The following ACVR1 variants were observed in gnomAD, a reference collection of about 807,000 sequenced individuals.
ACVR1 encodes activin receptor type-1.
A neutral mutation model predicts 57.1 loss-of-function variants in ACVR1; 38 were observed. That is an observed-to-expected ratio of 0.67 (90% CI 0.51 to 0.87). The LOEUF is 0.87. ACVR1 is among the 40% of genes least tolerant of loss of function. The pLI, the probability that ACVR1 is intolerant of heterozygous loss-of-function variation, is 0.00. For synonymous variants in ACVR1, 212 were observed against 228.1 expected (o/e 0.93, Z 0.63); for missense variants, 463 against 638.2 (o/e 0.73, Z 2.96).
chr2:157,872,142 T>C (rs1690132654), intron 1 of ACVR1, among the ~76,000 whole-genome samples: 1 of 152,198 alleles, frequency 6.6e-6, no homozygotes, highest in East Asian at 1.9e-4. Context: ...AGGTATTTTG[T>C]ACCAGGAAAC....
intron 1 of ACVR1, among the ~76,000 whole-genome samples, chr2:157,861,374 CTGT>C (rs1263661055): frequency 6.6e-6 from 1 of 152,154 alleles, no homozygotes; most frequent in Non-Finnish European, 1.5e-5. Context: ...GAAAATAAGG[CTGT>C]TATGCAACAT....
At chr2:157,787,964 T>C (rs1686774107) in intron 3 of ACVR1, among the ~76,000 whole-genome samples, 1 of 152,182 alleles carries the variant, frequency 6.6e-6, no homozygotes, top group Non-Finnish European at 1.5e-5. Context: ...GTGGTTACCA[T>C]CAGCGAGCCT....
chr2:157,767,126 GGTTCAA>G (rs1287781091), intron 7 of ACVR1, among the ~76,000 whole-genome samples: 1 of 152,016 alleles, frequency 6.6e-6, no homozygotes, highest in African/African-American at 2.4e-5. Flanking sequence ...CCGCCTCCTG[GGTTCAA>G]GTGATTCTCC....
At chr2:157,871,222 T>C (rs1179113347) in intron 1 of ACVR1, among the ~76,000 whole-genome samples, 1 of 152,066 alleles carries the variant, frequency 6.6e-6, no homozygotes, top group African/African-American at 2.4e-5. Context: ...CATCCCAGAA[T>C]AAGAAATGGG....
intron 3 of ACVR1, among the ~76,000 whole-genome samples, chr2:157,799,140 C>T (rs1451679846): frequency 1.3e-5 from 2 of 152,062 alleles, no homozygotes; most frequent in Non-Finnish European, 2.9e-5. Context: ...AGGTGATCCA[C>T]CTGCCTCGAC....
At chr2:157,788,484 C>T (rs1412005850) in intron 3 of ACVR1, among the ~76,000 whole-genome samples, 1 of 152,198 alleles carries the variant, frequency 6.6e-6, no homozygotes, top group East Asian at 1.9e-4. Flanking sequence ...ACCAGATCCA[C>T]TGCCATGGTA....
In ACVR1 at chr2:157,780,408, G is replaced by A. The variant is rs1036913529; in HGVS notation, c.260C>T (p.Pro87Leu). 3.1e-6 allele frequency: 5 copies of A among 1,613,764 alleles called. No homozygotes were observed. The African/African-American group carries it at 6.7e-5, about 22-fold the overall frequency. Reference sequence around the variant, plus strand: ...TTGGCAGCACTCCACGGCTTGGCCAGGGGACGGCGGGGTCTTACAGGTCAT... The same window carrying A: ...TTGGCAGCACTCCACGGCTTGGCCAAGGGACGGCGGGGTCTTACAGGTCAT... ...GKMTCKTPPSPGQAVECCQGD... is the reference protein window; with the variant it reads ...GKMTCKTPPSLGQAVECCQGD... The change falls in exon 4 of 11, where the codon CCT (proline) becomes CTT (leucine). Residue 87 changes from proline to leucine, a missense_variant. Physicochemically the swap from Pro to Leu is moderately conservative, Grantham distance 98. This residue lies in a region of ACVR1 where 203 missense variants were observed against 235.5 expected (regional missense o/e 0.86). Coordinates refer to ENST00000434821, the MANE Select transcript of ACVR1 (RefSeq NM_001111067.4).
intron 3 of ACVR1, among the ~76,000 whole-genome samples, chr2:157,795,902 G>A (rs1437861747): frequency 6.6e-6 from 1 of 151,508 alleles, no homozygotes; most frequent in Non-Finnish European, 1.5e-5. Context: ...TACATCACAG[G>A]TCCACCCATG....
At chr2:157,838,157 G>A (rs1391353646) in intron 1 of ACVR1, 1 of 152,122 alleles carries the variant, frequency 6.6e-6, no homozygotes. Flanking sequence ...TCATGTAAAA[G>A]CGAAACAGAT....
chr2:157,861,197 A>G (rs1689706979), intron 1 of ACVR1, among the ~76,000 whole-genome samples: 2 of 152,246 alleles, frequency 1.3e-5, no homozygotes, highest in Admixed American at 6.5e-5. Context: ...ACTTTACTGT[A>G]CATTGGCTAT....
At chr2:157,847,207 A>G (rs1287368082) in intron 1 of ACVR1, among the ~76,000 whole-genome samples, 1 of 152,218 alleles carries the variant, frequency 6.6e-6, no homozygotes, top group Non-Finnish European at 1.5e-5. Context: ...TAACGAAACA[A>G]TTATTACCCT....
chr2:157,740,881 G>T (rs1181557758), intron 9 of ACVR1, among the ~76,000 whole-genome samples: 1 of 152,214 alleles, frequency 6.6e-6, no homozygotes, highest in Non-Finnish European at 1.5e-5. Context: ...CTGGGATTTA[G>T]TCAAGCCTCT....
At chr2:157,777,339 G>A (rs1559050755) in intron 5 of ACVR1, among the ~76,000 whole-genome samples, 1 of 152,174 alleles carries the variant, frequency 6.6e-6, no homozygotes, top group East Asian at 1.9e-4. Flanking sequence ...GTAAACTGTG[G>A]CTGGTGTGAA....
intron 6 of ACVR1, 105 bp downstream of exon 6, chr2:157,773,983 G>A (rs1175817870): frequency 1.1e-6 from 1 of 931,804 alleles, no homozygotes; most frequent in Non-Finnish European, 1.7e-6. Context: ...GTTTAATAAG[G>A]AAACAACAGG....
chr2:157,763,571 G>C (rs998220699), intron 8 of ACVR1, among the ~76,000 whole-genome samples: 2 of 152,032 alleles, frequency 1.3e-5, no homozygotes, highest in Admixed American at 1.3e-4. Context: ...ACAAAAAAAA[G>C]TTAGCCAGGT....
intron 9 of ACVR1, among the ~76,000 whole-genome samples, chr2:157,741,358 TGGCTCAC>T (rs1559030100): frequency 6.6e-6 from 1 of 152,144 alleles, no homozygotes; most frequent in Non-Finnish European, 1.5e-5. Flanking sequence ...GAAAAAACGG[TGGCTCAC>T]GCCTGTAATC....
At chr2:157,852,867 A>T (rs1234066119) in intron 1 of ACVR1, among the ~76,000 whole-genome samples, 1 of 152,202 alleles carries the variant, frequency 6.6e-6, no homozygotes, top group East Asian at 1.9e-4. Flanking sequence ...CTGAGAGTTC[A>T]GCTGTACCAA....
chr2:157,766,304 A>T, intron 7 of ACVR1, 108 bp from the exon 8 acceptor site: 1 of 1,150,240 alleles, frequency 8.7e-7, no homozygotes, highest in Non-Finnish European at 1.3e-6. Flanking sequence ...ACAAAAAGTA[A>T]TTAAACTGAC....
intron 1 of ACVR1, among the ~76,000 whole-genome samples, chr2:157,844,984 A>G (rs1200684307): frequency 6.6e-6 from 1 of 152,232 alleles, no homozygotes; most frequent in Non-Finnish European, 1.5e-5. Context: ...ACTGTAAGCA[A>G]TAAGTGTCTA....
Sources: allele counts gnomAD v4.1 joint callset (sites outside exome capture counted in the v4.1 genomes callset), GRCh38; gene constraint gnomAD v4.1.1; regional missense constraint gnomAD v4.1.1; transcripts MANE v1.5; gene names NCBI Gene and HGNC (gene_info 2026-07-23, HGNC 2026-07-21).